Variants in EP400 observed in about 807,000 individuals in gnomAD.
The protein encoded by EP400 is E1A binding protein p400.
In EP400, 105 loss-of-function variants were observed where a neutral mutation model predicts 354.1. That is an observed-to-expected ratio of 0.30 (90% confidence interval 0.25 to 0.35). The LOEUF is 0.35. Among genes scored for constraint, EP400 ranks in the 10% least tolerant of loss-of-function variants. EP400 has a pLI of 1.00. For synonymous variants in EP400, 1,646 were observed against 1,716.9 expected (o/e 0.96, Z 1.02); for missense variants, 3,280 against 4,121.0 (o/e 0.80, Z 5.59).
chr12:132,012,926 A>G, intron 16 of EP400, 83 bp from the exon 17 acceptor site: 1 of 1,410,456 alleles, frequency 7.1e-7, no homozygotes, highest in South Asian at 1.6e-5. Flanking sequence ...CTGGGTGGCA[A>G]GCTTTGGGAA....
At chr12:131,965,375 A>G (rs949348466) in intron 2 of EP400, among the ~76,000 whole-genome samples, 1 of 152,242 alleles carries the variant, frequency 6.6e-6, no homozygotes, top group African/African-American at 2.4e-5. Context: ...TGCCTGAATC[A>G]GTTATTACTA....
At chr12:131,983,635 C>G (rs1184340199) in intron 5 of EP400, among the ~76,000 whole-genome samples, 1 of 152,216 alleles carries the variant, frequency 6.6e-6, no homozygotes, top group Non-Finnish European at 1.5e-5. Context: ...TTTGCCTTCT[C>G]CCTCACTAAC....
chr12:132,043,173 T>C, intron 32 of EP400, 131 bp from the exon 33 acceptor site: 14 of 929,634 alleles, frequency 1.5e-5, no homozygotes, highest in Non-Finnish European at 2.2e-5. Context: ...AGGGAAGGAG[T>C]GGATTACCTT....
At chr12:132,004,460 C>G (rs533107425) in intron 12 of EP400, among the ~76,000 whole-genome samples, 1 of 151,968 alleles carries the variant, frequency 6.6e-6, no homozygotes, top group Non-Finnish European at 1.5e-5. Flanking sequence ...TTTTATTATA[C>G]TTTTTAACAT....
At chr12:132,033,393 G>T (rs1246221949) in intron 30 of EP400, among the ~76,000 whole-genome samples, 1 of 152,100 alleles carries the variant, frequency 6.6e-6, no homozygotes, top group Non-Finnish European at 1.5e-5. Flanking sequence ...TTTATGCCTG[G>T]TTGTGTGCCG....
chr12:131,991,508 A>G, intron 10 of EP400, 52 bp downstream of exon 10: 1 of 1,522,212 alleles, frequency 6.6e-7, no homozygotes, highest in Non-Finnish European at 9.1e-7. Flanking sequence ...AAGCAGCTCC[A>G]GTAGAGTGGG....
In EP400 at chr12:132,062,558, C is replaced by CAGT; in HGVS notation, c.8193_8194insTAG (p.Gln2731_Gln2732insTer). 6.3e-7 allele frequency: 1 copy of CAGT among 1,599,722 alleles called. No individual in the cohort carries two copies. Among genetic ancestry groups the CAGT allele is most frequent in the Non-Finnish European group, 8.5e-7 (1 of 1,171,372 alleles). ...GCAGCAGCAGCAACAACAGCAGCAG[C>CAGT]AGCAGCAGCAGCAGCAGCAGCAGCA... On this transcript the variant is annotated stop_gained and inframe_insertion, in exon 47 of 53. Coordinates refer to ENST00000389561, the MANE Select transcript of EP400 (RefSeq NM_015409.5). LOFTEE classifies it high-confidence loss of function.
intron 15 of EP400, among the ~76,000 whole-genome samples, chr12:132,008,511 C>T (rs1451382351): frequency 6.6e-6 from 1 of 152,088 alleles, no homozygotes; most frequent in East Asian, 1.9e-4. Context: ...AGCTACCTTG[C>T]CTTGCTACTT....
chr12:132,021,216 C>G lies in EP400; in HGVS notation c.4585C>G (p.Pro1529Ala), dbSNP rs1440311754. Residue 1529 changes from proline (P) to alanine (A), a missense_variant, in exon 23 of 53, where the codon CCA becomes GCA. By Grantham distance (27) the Pro-to-Ala change is conservative (BLOSUM62 -1). Around this residue, in one of 20 missense-constraint regions of EP400, gnomAD observed 342 missense variants for 342.7 expected, o/e 1.00. Transcript: ENST00000389561. ...CCAGACCACAGCACAGGCCTCCACC[C>G]CAGGCCAGCCCCCGCCCCAGCCCCA... is the stretch of plus-strand genomic sequence containing the variant. The part of the protein sequence containing the change: ...RAQTTAQAST[P>A]GQPPPQPQAP... 6 of 1,594,232 alleles carry G rather than the reference C, an allele frequency of 3.8e-6. No individual in the cohort carries two copies. The Admixed American group carries it at 8.4e-5, about 22-fold the overall frequency.
chr12:131,979,869 T>C, intron 3 of EP400, 76 bp downstream of exon 3: 1 of 1,243,226 alleles, frequency 8.0e-7, no homozygotes, highest in Non-Finnish European at 1.1e-6. Flanking sequence ...TGCCATGAGT[T>C]TCTGAAGAGC....
At position 132,053,000 on chromosome 12, in the gene EP400, G is replaced by T; in HGVS notation, c.7395-146G>T. ...GGTCTAGGTGGCTCGATCTCCTGCA[G>T]GGCACATTGGGCACCTTGCTTTACG... On this transcript the variant is annotated intron_variant, in intron 41 of 52. Coordinates refer to ENST00000389561, the MANE Select transcript of EP400 (RefSeq NM_015409.5). This position sits in a 1 kb window ranked among gnomAD's most constrained non-coding sequence, Gnocchi z 4.4. 1.3e-6 allele frequency: 1 copy of T among 775,768 alleles called. No homozygotes were observed. Among genetic ancestry groups the T allele is most frequent in the Non-Finnish European group, 2.2e-6 (1 of 457,704 alleles). The allele number at this position is 775,768 out of a possible 1,614,324, so 48.1% of individuals were successfully genotyped here.
In EP400 at chr12:131,975,162, T is replaced by C. The variant is rs1247689306; in HGVS notation, c.1336-4532T>C. Among the ~76,000 whole-genome samples, 3 of 152,154 alleles carry C rather than the reference T, an allele frequency of 2.0e-5. No individual in the cohort carries two copies. In the East Asian group the frequency reaches 5.8e-4, roughly 29 times the overall value. On this transcript the variant is annotated intron_variant, in intron 2 of 52. Coordinates refer to ENST00000389561, the MANE Select transcript of EP400 (RefSeq NM_015409.5). ...GGCAGCAGGACCCGTGTGTCCTGAG[T>C]CCTCTGGGAAGCAGGCTGAGTGTCA...
At chr12:132,006,051 A>G in intron 13 of EP400, 61 bp from the exon 14 acceptor site, 1 of 1,491,518 alleles carries the variant, frequency 6.7e-7, no homozygotes, top group Non-Finnish European at 9.0e-7. Flanking sequence ...TTTTAAAAAA[A>G]GGTTTAGATT....
intron 29 of EP400, among the ~76,000 whole-genome samples, chr12:132,030,964 C>T (rs554374022): frequency 5.8e-4 from 89 of 152,316 alleles, no homozygotes; most frequent in Non-Finnish European, 1.1e-3. Flanking sequence ...GTAAGTCGCG[C>T]AGCCTGCTTT....
rs1209357885 is a variant in EP400, at chr12:132,058,863, T to C, written c.7885-3247T>C. Among the ~76,000 whole-genome samples, 3 of 151,492 alleles carry C rather than the reference T, an allele frequency of 2.0e-5. No individual in the cohort carries two copies. In the East Asian group the frequency reaches 5.8e-4, roughly 29 times the overall value. ...GTGCAGGGGTACAATCACAGCTCAC[T>C]GCAGCCTCACACTCACAGGCTGAAG... On this transcript the variant is annotated intron_variant, in intron 45 of 52. Coordinates refer to ENST00000389561, the MANE Select transcript of EP400 (RefSeq NM_015409.5).
At position 132,053,233 on chromosome 12, in the gene EP400, C is replaced by T. The variant is rs750480738; in HGVS notation, c.7473+9C>T. ...TCGCAAAAGAGAAAAAGGTCAGCGC[C>T]CTGGGCCCTTCTGCTTGAGTGGGAA... On this transcript the variant is annotated intron_variant, in intron 42 of 52. Transcript: ENST00000389561. The T allele has an allele frequency of 6.2e-7, 1 of 1,613,562 alleles. No homozygotes were observed. The highest frequency in any genetic ancestry group is 8.5e-7 in the Non-Finnish European group (1 of 1,179,970).
chr12:131,993,656 T>C (rs1893115192), intron 11 of EP400, among the ~76,000 whole-genome samples: 1 of 152,254 alleles, frequency 6.6e-6, no homozygotes, highest in Non-Finnish European at 1.5e-5. Context: ...ACGTACAAAG[T>C]ACTCACCCAA....
chr12:132,024,012 A>G (rs1433111076), intron 24 of EP400, 71 bp downstream of exon 24: 4 of 1,437,108 alleles, frequency 2.8e-6, no homozygotes, highest in Non-Finnish European at 2.8e-6. Context: ...CCTGCTGCCC[A>G]CGGGCCTGCC....
At chr12:132,065,434 A>G in intron 48 of EP400, 1 of 158,196 alleles carries the variant, frequency 6.3e-6, no homozygotes, top group East Asian at 1.8e-4. Flanking sequence ...AGCTAGGGGT[A>G]CTGGTGACAG....
Sources: allele counts gnomAD v4.1 joint callset (sites outside exome capture counted in the v4.1 genomes callset), GRCh38; gene constraint gnomAD v4.1.1; regional missense constraint gnomAD v4.1.1; non-coding constraint Gnocchi (gnomAD v3.1); transcripts MANE v1.5; gene names NCBI Gene and HGNC (gene_info 2026-07-23, HGNC 2026-07-21).